NEGR1: variants seen among roughly 807,000 people sequenced by gnomAD.
The protein encoded by NEGR1 is IgLON family member 4.
NEGR1 carries 10 observed loss-of-function variants against 40.9 expected under a neutral mutation model. That is an observed-to-expected ratio of 0.24 (90% CI 0.15 to 0.42). The LOEUF is 0.42. NEGR1 is among the 10% of genes least tolerant of loss of function. NEGR1 has a pLI of 1.00. For synonymous variants in NEGR1, 185 were observed against 166.8 expected (o/e 1.11, Z -0.84); for missense variants, 352 against 438.9 (o/e 0.80, Z 1.77).
chr1:71,752,456 G>A (rs1655601758), intron 3 of NEGR1, among the ~76,000 whole-genome samples: 1 of 152,154 alleles, frequency 6.6e-6, no homozygotes, highest in African/African-American at 2.4e-5. Context: ...TTACTGGCCA[G>A]CTAGCTATGC....
intron 1 of NEGR1, among the ~76,000 whole-genome samples, chr1:72,192,508 A>T (rs1652854037): frequency 6.6e-6 from 1 of 151,882 alleles, no homozygotes; most frequent in Non-Finnish European, 1.5e-5. Context: ...ACCTTCCCAA[A>T]TAAAAGGTAA....
chr1:71,978,104 T>A (rs1331631573), intron 1 of NEGR1, among the ~76,000 whole-genome samples: 1 of 152,208 alleles, frequency 6.6e-6, no homozygotes, highest in Non-Finnish European at 1.5e-5. Context: ...AGAGTCTTTT[T>A]TTTGTGAGCC....
intron 1 of NEGR1, among the ~76,000 whole-genome samples, chr1:72,113,626 A>G (rs965322313): frequency 6.6e-6 from 1 of 151,698 alleles, no homozygotes; most frequent in Non-Finnish European, 1.5e-5. Context: ...GAGCACAAGG[A>G]AAGTGTGGTG....
chr1:72,003,804 C>A (rs904113539), intron 1 of NEGR1, among the ~76,000 whole-genome samples: 1 of 151,936 alleles, frequency 6.6e-6, no homozygotes, highest in Non-Finnish European at 1.5e-5. Context: ...TTACAATGAA[C>A]GGAACTAAAA....
At chr1:72,139,219 T>C (rs1650580750) in intron 1 of NEGR1, among the ~76,000 whole-genome samples, 1 of 144,386 alleles carries the variant, frequency 6.9e-6, no homozygotes, top group South Asian at 2.1e-4. Context: ...CTGAACCAAA[T>C]GACTTCAACC....
chr1:71,753,310 A>T (rs1429322004), intron 3 of NEGR1, among the ~76,000 whole-genome samples: 1 of 152,176 alleles, frequency 6.6e-6, no homozygotes, highest in African/African-American at 2.4e-5. Context: ...TTTATCATTC[A>T]TTCAAATATA....
chr1:71,575,978 C>A (rs1171343182), intron 6 of NEGR1, among the ~76,000 whole-genome samples: 2 of 152,112 alleles, frequency 1.3e-5, no homozygotes, highest in Non-Finnish European at 2.9e-5. Context: ...AGTTCTGTGT[C>A]CCCAGTCTGC....
At chr1:71,947,831 C>T (rs535430682) in intron 1 of NEGR1, among the ~76,000 whole-genome samples, 3 of 151,784 alleles carry the variant, frequency 2.0e-5, no homozygotes, top group Admixed American at 6.6e-5. Context: ...ACTATCTGTT[C>T]CTGCACAGTC....
At position 71,641,571 on chromosome 1, in the gene NEGR1, A is replaced by C. The variant is rs557629507; in HGVS notation, c.668-30425T>G. 3.9e-5 allele frequency among the ~76,000 whole-genome samples: 6 copies of C among 152,128 alleles called. No individual in the cohort carries two copies. In the South Asian group the frequency reaches 6.2e-4, roughly 16 times the overall value. On this transcript the variant is annotated intron_variant, in intron 4 of 6. Coordinates refer to ENST00000357731, the MANE Select transcript of NEGR1 (RefSeq NM_173808.3). ...CAGAACCCTTGGGAGAGGCACATTC[A>C]TTCCATTTCTTAAATCTCCAGACTG...
At chr1:71,456,961 T>G (rs1646677033) in intron 6 of NEGR1, among the ~76,000 whole-genome samples, 1 of 152,216 alleles carries the variant, frequency 6.6e-6, no homozygotes, top group Non-Finnish European at 1.5e-5. Context: ...TAGTCTTGAA[T>G]GTATCCTGTT....
intron 1 of NEGR1, among the ~76,000 whole-genome samples, chr1:71,935,645 AT>A (rs1645898830): frequency 6.6e-6 from 1 of 152,024 alleles, no homozygotes; most frequent in African/African-American, 2.4e-5. Context: ...AGTTTACACA[AT>A]TTTCTGCATT....
intron 1 of NEGR1, among the ~76,000 whole-genome samples, chr1:72,004,090 C>T (rs1401591292): frequency 6.6e-6 from 1 of 151,780 alleles, no homozygotes; most frequent in East Asian, 1.9e-4. Flanking sequence ...ATTGAACTTC[C>T]CATAATCAAC....
At chr1:72,219,319 G>A (rs963803577) in intron 1 of NEGR1, among the ~76,000 whole-genome samples, 2 of 151,932 alleles carry the variant, frequency 1.3e-5, no homozygotes, top group Non-Finnish European at 2.9e-5. Flanking sequence ...ATTTTTGTAT[G>A]TTCTTAGAGT....
chr1:71,764,433 T>C (rs1384485386), intron 3 of NEGR1, among the ~76,000 whole-genome samples: 2 of 152,234 alleles, frequency 1.3e-5, no homozygotes. Flanking sequence ...TTTTTGCTAA[T>C]GACTTATTAC....
At chr1:71,475,685 T>A (rs1471174479) in intron 6 of NEGR1, among the ~76,000 whole-genome samples, 1 of 151,996 alleles carries the variant, frequency 6.6e-6, no homozygotes, top group Non-Finnish European at 1.5e-5. Flanking sequence ...TAAGCCAGAA[T>A]AAAACATTCC....
At chr1:71,761,127 T>C (rs531512698) in intron 3 of NEGR1, among the ~76,000 whole-genome samples, 1 of 152,170 alleles carries the variant, frequency 6.6e-6, no homozygotes, top group Admixed American at 6.5e-5. Context: ...ATATCTCAGC[T>C]GGGAAACAAA....
At chr1:71,462,458 G>A (rs1204883336) in intron 6 of NEGR1, among the ~76,000 whole-genome samples, 1 of 152,130 alleles carries the variant, frequency 6.6e-6, no homozygotes, top group Non-Finnish European at 1.5e-5. Flanking sequence ...GTGCAAAGCA[G>A]GCCTTAGAAA....
intron 1 of NEGR1, among the ~76,000 whole-genome samples, chr1:72,260,149 G>A (rs988300096): frequency 3.3e-5 from 5 of 151,916 alleles, no homozygotes; most frequent in East Asian, 1.9e-4. Context: ...GGCTTTGAGA[G>A]GTAAAGTTGC....
chr1:71,709,627 C>G (rs182902777), intron 3 of NEGR1, among the ~76,000 whole-genome samples: 36 of 152,236 alleles, frequency 2.4e-4, no homozygotes, highest in Admixed American at 2.0e-3. Flanking sequence ...AAGGCAGTCT[C>G]TTCAATAAAG....
Sources: gnomAD v4.1 joint callset for allele counts (sites outside exome capture counted in the v4.1 genomes callset) on GRCh38, gnomAD v4.1.1 for gene constraint, MANE v1.5 for transcripts, NCBI Gene and HGNC (gene_info 2026-07-23, HGNC 2026-07-21) for gene names.